CKMT2: variants seen among roughly 807,000 people sequenced by gnomAD.
CKMT2 encodes the protein creatine kinase S-type, mitochondrial.
CKMT2 carries 43 observed loss-of-function variants against 48.9 expected under a neutral mutation model. The observed-to-expected ratio is 0.88, with a 90% CI of 0.69 to 1.13. The LOEUF (loss-of-function observed/expected upper bound fraction) is 1.13. CKMT2 is among the 50% of genes most tolerant of loss of function. The pLI, the probability that CKMT2 is intolerant of heterozygous loss-of-function variation, is 0.00. For synonymous variants in CKMT2, 206 were observed against 213.0 expected (o/e 0.97, Z 0.29); for missense variants, 472 against 555.4 (o/e 0.85, Z 1.51).
intron 7 of CKMT2, 151 bp from the exon 8 acceptor site, chr5:81,258,969 T>A: frequency 1.5e-6 from 1 of 673,840 alleles, no homozygotes; most frequent in Non-Finnish European, 2.4e-6. Flanking sequence ...GTAGGAGAGG[T>A]ATTATTTTCT....
chr5:81,233,507 A>T, intron 1 of CKMT2, 130 bp downstream of exon 1: 1 of 625,532 alleles, frequency 1.6e-6, no homozygotes, highest in Non-Finnish European at 2.0e-6. Flanking sequence ...GACTGCGAGG[A>T]GGCAATGGTG....
chr5:81,239,933 G>C (rs1756379663), intron 1 of CKMT2, among the ~76,000 whole-genome samples: 1 of 152,164 alleles, frequency 6.6e-6, no homozygotes, highest in Non-Finnish European at 1.5e-5. Flanking sequence ...CGAGCACACA[G>C]CGTTTTTTTC....
In CKMT2 at chr5:81,266,192, A is replaced by C. The variant is rs1194593056; in HGVS notation, c.1194A>C (p.Glu398Asp). The change falls in exon 10 of 10, where the codon GAA (glutamate) becomes GAC (aspartate). Residue 398 changes from glutamate to aspartate, a missense_variant. Physicochemically the swap from Glu to Asp is conservative, Grantham distance 45. Coordinates refer to ENST00000254035, the MANE Select transcript of CKMT2 (RefSeq NM_001099735.2). ...IDGVNYLVDC[E>D]KKLERGQDIK... ...GAGTCAATTACCTGGTGGATTGTGAAAAGAAGTTGGAGAGAGGCCAAGATA... is the reference window on the plus strand; with the variant it reads ...GAGTCAATTACCTGGTGGATTGTGACAAGAAGTTGGAGAGAGGCCAAGATA... The C allele has an allele frequency of 6.2e-7, 1 of 1,613,322 alleles. No homozygotes were observed. Among genetic ancestry groups the C allele is most frequent in the Non-Finnish European group, 8.5e-7 (1 of 1,179,426 alleles).
At chr5:81,263,135 T>C (rs1341926854) in intron 8 of CKMT2, among the ~76,000 whole-genome samples, 3 of 121,372 alleles carry the variant, frequency 2.5e-5, no homozygotes, top group Non-Finnish European at 3.2e-5. Context: ...TGAGAACACA[T>C]GGACACAGGG....
At chr5:81,249,920 T>C (rs1163876399) in intron 1 of CKMT2, among the ~76,000 whole-genome samples, 5 of 152,352 alleles carry the variant, frequency 3.3e-5, no homozygotes, top group Admixed American at 6.5e-5. Context: ...TCTTTGTCAC[T>C]GTTATTCTGC....
chr5:81,250,940 AACAC>A lies in CKMT2; in HGVS notation c.-20-137_-20-134del, dbSNP rs142418532. On this transcript the variant is annotated intron_variant, in intron 1 of 9. Coordinates refer to ENST00000254035, the MANE Select transcript of CKMT2 (RefSeq NM_001099735.2). The stretch of plus-strand genomic sequence containing the variant: ...GAAAAAAGCAAAGCAAGAAATAGAA[AACAC>A]ACACACACACACACACACACACACA... 9.9e-3 allele frequency among the ~76,000 whole-genome samples: 1,320 copies of A among 133,056 alleles called. 26 individuals carry two copies. Among genetic ancestry groups the A allele is most frequent in the East Asian group, 0.078 (368 of 4,702 alleles). 87.3% of individuals were successfully genotyped at this position (133,056 alleles called of 152,430 possible). A position where few individuals can be genotyped will look rare whatever the true frequency, so the allele number is the denominator to read the frequency against.
intron 1 of CKMT2, chr5:81,242,389 A>T: frequency 2.0e-6 from 1 of 493,438 alleles, no homozygotes. Context: ...TCCTTGCCAT[A>T]GTCCTTAACT....
At chr5:81,262,172 C>G (rs552036567) in intron 8 of CKMT2, among the ~76,000 whole-genome samples, 2 of 152,288 alleles carry the variant, frequency 1.3e-5, no homozygotes, top group Non-Finnish European at 2.9e-5. Context: ...CTTCCTTACA[C>G]TTTATACAAA....
intron 5 of CKMT2, among the ~76,000 whole-genome samples, chr5:81,256,399 C>T (rs564546054): frequency 2.1e-4 from 32 of 152,238 alleles, no homozygotes; most frequent in Middle Eastern, 6.8e-3. Flanking sequence ...AAATAAAAGC[C>T]TGTAATCTAG....
chr5:81,257,391 A>T (rs1049207528), intron 6 of CKMT2, among the ~76,000 whole-genome samples: 9 of 152,066 alleles, frequency 5.9e-5, no homozygotes, highest in Non-Finnish European at 1.3e-4. Flanking sequence ...AGAGCACAAG[A>T]TTTTGGTTGA....
At position 81,245,859 on chromosome 5, in the gene CKMT2, T is replaced by G. The variant is rs1404672797; in HGVS notation, c.-20-5254T>G. 3.9e-5 allele frequency among the ~76,000 whole-genome samples: 6 copies of G among 152,110 alleles called. No homozygotes were observed. In the South Asian group the frequency reaches 1.2e-3, roughly 32 times the overall value. On this transcript the variant is annotated intron_variant, in intron 1 of 9. Coordinates refer to ENST00000254035, the MANE Select transcript of CKMT2 (RefSeq NM_001099735.2). ...TGCCAGCAACACTCTGCTCTCAAAC[T>G]GCTCCCCCACCAGTGGGCCCCAACA...
intron 1 of CKMT2, chr5:81,235,884 G>A (rs1259700983): frequency 1.3e-5 from 2 of 152,220 alleles, no homozygotes; most frequent in East Asian, 3.9e-4. Context: ...TTGGAGCCCA[G>A]GTATTCTGCC....
rs1342156763 is a variant in CKMT2, at chr5:81,266,367, C to G, written c.*109C>G. On this transcript the variant is annotated 3_prime_UTR_variant, in exon 10 of 10. Coordinates refer to ENST00000254035, the MANE Select transcript of CKMT2 (RefSeq NM_001099735.2). ...GAAAAATATAAAATTGTAGATCCTG[C>G]CTATCTTTACAATAAAACTCTCCTT... 9.6e-7 allele frequency: 1 copy of G among 1,036,646 alleles called. No homozygotes were observed. Among genetic ancestry groups the G allele is most frequent in the Non-Finnish European group, 1.4e-6 (1 of 714,650 alleles). The allele number at this position is 1,036,646 out of a possible 1,614,324, so 64.2% of individuals were successfully genotyped here. A position where few individuals can be genotyped will look rare whatever the true frequency, so the allele number is the denominator to read the frequency against.
intron 1 of CKMT2, among the ~76,000 whole-genome samples, chr5:81,245,639 A>G (rs1756583235): frequency 6.6e-6 from 1 of 152,214 alleles, no homozygotes. Context: ...TGCTGGGCAG[A>G]AATGGGGCCT....
At chr5:81,236,685 AG>A (rs1470474916) in intron 1 of CKMT2, among the ~76,000 whole-genome samples, 1 of 152,188 alleles carries the variant, frequency 6.6e-6, no homozygotes, top group Non-Finnish European at 1.5e-5. Flanking sequence ...CAGTGATGCC[AG>A]GAAGTCATTG....
At chr5:81,233,426 G>C in intron 1 of CKMT2, 49 bp downstream of exon 1, 7 of 982,774 alleles carry the variant, frequency 7.1e-6, no homozygotes, top group Non-Finnish European at 8.5e-6. Context: ...GAGGGGTCAT[G>C]GCTAGAGCCA....
Position 81,255,138 on chromosome 5 carries a change from G to T in CKMT2, c.593G>T (p.Gly198Val). ...VENVAITALE[G>V]LKGDLAGRYY... The stretch of plus-strand genomic sequence containing the variant: ...AACGTGGCCATCACTGCCCTGGAGG[G>T]CCTCAAGGGGGACCTGGCTGGCCGC... Residue 198 changes from glycine to valine, a missense_variant, in exon 5 of 10, where the codon GGC (glycine) becomes GTC (valine). By Grantham distance (109) the Gly-to-Val change is moderately radical. Transcript: ENST00000254035. The T allele has an allele frequency of 1.9e-6, 3 of 1,614,134 alleles. No individual in the cohort carries two copies. The highest frequency in any genetic ancestry group is 2.5e-6 in the Non-Finnish European group (3 of 1,180,030).
At chr5:81,245,402 G>C (rs1756574420) in intron 1 of CKMT2, 1 of 152,152 alleles carries the variant, frequency 6.6e-6, no homozygotes, top group African/African-American at 2.4e-5. Flanking sequence ...AGGAGTATCT[G>C]GCTTCATCTG....
intron 1 of CKMT2, among the ~76,000 whole-genome samples, chr5:81,240,300 C>T (rs1214111834): frequency 6.6e-6 from 1 of 152,166 alleles, no homozygotes; most frequent in Non-Finnish European, 1.5e-5. Flanking sequence ...CTATGGAAAC[C>T]CTGCTTAAGG....
Sources: gnomAD v4.1 joint callset for allele counts (sites outside exome capture counted in the v4.1 genomes callset) on GRCh38, gnomAD v4.1.1 for gene constraint, MANE v1.5 for transcripts, NCBI Gene and HGNC (gene_info 2026-07-23, HGNC 2026-07-21) for gene names.